The following UBE2R2 variants were observed in gnomAD, a reference collection of about 807,000 sequenced individuals.
The protein encoded by UBE2R2 is ubiquitin-conjugating enzyme E2 R2.
UBE2R2 carries 1 observed loss-of-function variant against 27.8 expected under a neutral mutation model. The ratio of observed to expected loss-of-function variants is 0.04; its 90% CI spans 0.01 to 0.17. The LOEUF (loss-of-function observed/expected upper bound fraction) is 0.17, where lower values mean the gene tolerates loss of function less well. Among genes scored for constraint, UBE2R2 ranks in the 10% least tolerant of loss-of-function variants. The probability of loss-of-function intolerance (pLI) is 1.00; values close to 1 mark genes in which losing one functional copy is unlikely to be tolerated. For synonymous variants in UBE2R2, 106 were observed against 113.3 expected (o/e 0.94, Z 0.41); for missense variants, 100 against 291.0 (o/e 0.34, Z 4.78).
rs1281927864 is a variant in UBE2R2, at chr9:33,918,135, A to G, written c.*898A>G. The stretch of plus-strand genomic sequence containing the variant: ...GTTTGGTTGATGCTACTGGGGGGAA[A>G]AAGTTGAAACTACTGGTGACCACTG... On this transcript the variant is annotated 3_prime_UTR_variant, in exon 5 of 5. Transcript: ENST00000263228. 3 of 153,104 alleles carry G rather than the reference A, an allele frequency of 2.0e-5. No homozygotes were observed. Among genetic ancestry groups the G allele is most frequent in the African/African-American group, 4.8e-5 (2 of 41,444 alleles). 9.5% of individuals were successfully genotyped at this position (153,104 alleles called of 1,614,324 possible). A position where few individuals can be genotyped will look rare whatever the true frequency, so the allele number is the denominator to read the frequency against.
rs779819448 is a variant in UBE2R2, at chr9:33,817,953, C to T, written c.177+19C>T. 4 of 1,599,342 alleles carry T rather than the reference C, an allele frequency of 2.5e-6. No homozygotes were observed. Among genetic ancestry groups the T allele is most frequent in the East Asian group, 4.7e-5 (2 of 42,944 alleles). On this transcript the variant is annotated intron_variant, in intron 1 of 4. Coordinates refer to ENST00000263228, the MANE Select transcript of UBE2R2 (RefSeq NM_017811.4). The stretch of plus-strand genomic sequence containing the variant: ...CTTCAAGGTACCCTCACCCTCCTCC[C>T]GGACCCTGCTTCCGCGGCCGAGGCC...
chr9:33,862,255 TG>T (rs1265948705), intron 1 of UBE2R2, among the ~76,000 whole-genome samples: 3 of 152,210 alleles, frequency 2.0e-5, no homozygotes, highest in Non-Finnish European at 4.4e-5. Context: ...TATTCTCTTT[TG>T]CCTTTGCCAT....
intron 1 of UBE2R2, among the ~76,000 whole-genome samples, chr9:33,857,390 C>T (rs1220981942): frequency 1.3e-5 from 2 of 152,150 alleles, no homozygotes; most frequent in African/African-American, 4.8e-5. Flanking sequence ...ACTATCTCAG[C>T]TCACTACAAC....
At chr9:33,834,840 G>A (rs1396494184) in intron 1 of UBE2R2, among the ~76,000 whole-genome samples, 1 of 151,642 alleles carries the variant, frequency 6.6e-6, no homozygotes, top group Non-Finnish European at 1.5e-5. Context: ...TTCCCGGGAG[G>A]TGGAGGTTGC....
intron 2 of UBE2R2, among the ~76,000 whole-genome samples, chr9:33,897,811 T>C (rs1384649940): frequency 6.6e-6 from 1 of 150,884 alleles, no homozygotes; most frequent in Non-Finnish European, 1.5e-5. Context: ...GTTTTGGTCT[T>C]GTTGCCCAAG....
At position 33,919,941 on chromosome 9, in the gene UBE2R2, C is replaced by A. The variant is rs1207715814; in HGVS notation, c.*2704C>A. On this transcript the variant is annotated 3_prime_UTR_variant, in exon 5 of 5. Transcript: ENST00000263228. ...TTCTGCTGTTGATTCTTTCAGTCTTCCCCCCTTCTCCTTTTATCAATCATT... is the reference window on the plus strand; with the variant it reads ...TTCTGCTGTTGATTCTTTCAGTCTTACCCCCTTCTCCTTTTATCAATCATT... 1.3e-5 allele frequency: 2 copies of A among 152,048 alleles called. No homozygotes were observed. The highest frequency in any genetic ancestry group is 6.6e-5 in the Admixed American group (1 of 15,266). The allele number at this position is 152,048 out of a possible 1,614,324, so 9.4% of individuals were successfully genotyped here. A position where few individuals can be genotyped will look rare whatever the true frequency, so the allele number is the denominator to read the frequency against.
At chr9:33,858,228 G>A (rs1293452744) in intron 1 of UBE2R2, among the ~76,000 whole-genome samples, 1 of 152,032 alleles carries the variant, frequency 6.6e-6, no homozygotes, top group Non-Finnish European at 1.5e-5. Context: ...GATTCCGAAA[G>A]GTAGCTTGCC....
chr9:33,837,545 C>A (rs1374812621), intron 1 of UBE2R2, among the ~76,000 whole-genome samples: 1 of 151,906 alleles, frequency 6.6e-6, no homozygotes, highest in South Asian at 2.1e-4. Flanking sequence ...CCCACCTCAG[C>A]CTCCTAAGTA....
chr9:33,854,717 ATT>A (rs60300328), intron 1 of UBE2R2, among the ~76,000 whole-genome samples: 12 of 138,650 alleles, frequency 8.7e-5, no homozygotes, highest in African/African-American at 1.6e-4. Context: ...TGCAAGTGCA[ATT>A]TTTTTTTTTT....
chr9:33,887,589 AG>A (rs1319367894), intron 2 of UBE2R2, among the ~76,000 whole-genome samples: 2 of 152,168 alleles, frequency 1.3e-5, no homozygotes, highest in African/African-American at 4.8e-5. Flanking sequence ...TTGATATATG[AG>A]GGCCCGCTAG....
intron 1 of UBE2R2, among the ~76,000 whole-genome samples, chr9:33,885,913 C>A (rs886386456): frequency 5.9e-5 from 9 of 152,010 alleles, no homozygotes; most frequent in African/African-American, 2.2e-4. Flanking sequence ...TTTGTAACAG[C>A]AAAGGTGTGA....
At chr9:33,889,997 A>G (rs1821943436) in intron 2 of UBE2R2, among the ~76,000 whole-genome samples, 1 of 152,168 alleles carries the variant, frequency 6.6e-6, no homozygotes, top group South Asian at 2.1e-4. Flanking sequence ...AATTGCTCTT[A>G]AAGCCATATA....
chr9:33,873,654 G>T (rs1391895819), intron 1 of UBE2R2, among the ~76,000 whole-genome samples: 1 of 151,904 alleles, frequency 6.6e-6, no homozygotes, highest in Non-Finnish European at 1.5e-5. Flanking sequence ...AAACTTTTTT[G>T]GGGAGGGGCC....
intron 3 of UBE2R2, among the ~76,000 whole-genome samples, chr9:33,905,260 T>C (rs1822329044): frequency 6.6e-6 from 1 of 152,186 alleles, no homozygotes; most frequent in South Asian, 2.1e-4. Flanking sequence ...AAAGAGTCTG[T>C]CTCAGAAGTG....
intron 1 of UBE2R2, among the ~76,000 whole-genome samples, chr9:33,846,462 C>G (rs952244671): frequency 2.6e-5 from 4 of 152,070 alleles, no homozygotes; most frequent in South Asian, 2.1e-4. Flanking sequence ...TTTGACAAAA[C>G]ATTCCTTGCG....
intron 1 of UBE2R2, chr9:33,868,741 C>T (rs1003422132): frequency 1.3e-5 from 2 of 152,078 alleles, no homozygotes; most frequent in African/African-American, 4.8e-5. Flanking sequence ...GAAACATATC[C>T]TATGGCAGAT....
chr9:33,890,172 A>T (rs1018383658), intron 2 of UBE2R2, among the ~76,000 whole-genome samples: 1 of 152,200 alleles, frequency 6.6e-6, no homozygotes, highest in African/African-American at 2.4e-5. Context: ...TTCTTTCAAG[A>T]GATACCATTA....
upstream of UBE2R2, among the ~76,000 whole-genome samples, chr9:33,816,757 C>G (rs1406912471): frequency 6.6e-6 from 1 of 152,208 alleles, no homozygotes; most frequent in Non-Finnish European, 1.5e-5. Flanking sequence ...AGGCCCGTCC[C>G]AGGATGGCTG....
intron 1 of UBE2R2, among the ~76,000 whole-genome samples, chr9:33,851,265 C>T (rs967722699): frequency 1.3e-5 from 2 of 152,202 alleles, no homozygotes; most frequent in African/African-American, 4.8e-5. Context: ...GATAGTTTCA[C>T]CATTCCTCTG....
Sources: gnomAD v4.1 joint callset for allele counts (sites outside exome capture counted in the v4.1 genomes callset) on GRCh38, gnomAD v4.1.1 for gene constraint, MANE v1.5 for transcripts, NCBI Gene and HGNC (gene_info 2026-07-23, HGNC 2026-07-21) for gene names.